The following CTNNBL1 variants were observed in gnomAD, a reference collection of about 807,000 sequenced individuals.
The protein encoded by CTNNBL1 is beta-catenin-like protein 1.
A neutral mutation model predicts 72.7 loss-of-function variants in CTNNBL1; 31 were observed. That is an observed-to-expected ratio of 0.43 (90% CI 0.32 to 0.58). The LOEUF (loss-of-function observed/expected upper bound fraction) is 0.58. Ranked by LOEUF, CTNNBL1 falls within the 20% of genes least tolerant of loss-of-function variation. The pLI is 0.08. For synonymous variants in CTNNBL1, 240 were observed against 267.3 expected (o/e 0.90, Z 1.00); for missense variants, 534 against 725.1 (o/e 0.74, Z 3.03).
chr20:37,826,681 T>A (rs1030420434), intron 11 of CTNNBL1, among the ~76,000 whole-genome samples: 8 of 152,214 alleles, frequency 5.3e-5, no homozygotes, highest in African/African-American at 1.9e-4. Flanking sequence ...CAAATACTCA[T>A]GTACCTGCCA....
At chr20:37,727,379 C>T (rs771479835) in intron 1 of CTNNBL1, 9 of 982,856 alleles carry the variant, frequency 9.2e-6, no homozygotes, top group East Asian at 1.1e-4. Context: ...TATCTATTAT[C>T]GTGAAGCCTA....
chr20:37,756,416 CTCTCT>C (rs2073363829), intron 4 of CTNNBL1: 1 of 152,022 alleles, frequency 6.6e-6, no homozygotes, highest in African/African-American at 2.4e-5. Context: ...CTCTCTCTCT[CTCTCT>C]CCCCCGTTGT....
At chr20:37,769,541 A>G (rs755875272) in intron 7 of CTNNBL1, among the ~76,000 whole-genome samples, 4 of 152,146 alleles carry the variant, frequency 2.6e-5, no homozygotes, top group East Asian at 3.8e-4. Context: ...CCATATTTCT[A>G]TTGAATTGTT....
chr20:37,765,087 A>C, intron 5 of CTNNBL1, 110 bp from the exon 6 acceptor site: 1 of 741,070 alleles, frequency 1.3e-6, no homozygotes, highest in East Asian at 2.7e-5. Flanking sequence ...ATTGCTGCTT[A>C]TTTACTTACT....
intron 3 of CTNNBL1, 27 bp from the exon 4 acceptor site, chr20:37,746,441 C>T (rs754360135): frequency 6.2e-7 from 1 of 1,605,464 alleles, no homozygotes; most frequent in South Asian, 1.1e-5. Context: ...CCCTTTCCTT[C>T]TAATGATGTC....
intron 3 of CTNNBL1, among the ~76,000 whole-genome samples, chr20:37,740,545 A>C (rs2073207082): frequency 6.6e-6 from 1 of 152,180 alleles, no homozygotes; most frequent in Admixed American, 6.5e-5. Flanking sequence ...TTTCCCTAGA[A>C]AGTCCTTTAA....
At chr20:37,780,116 A>G (rs1349755974) in intron 10 of CTNNBL1, among the ~76,000 whole-genome samples, 1 of 151,554 alleles carries the variant, frequency 6.6e-6, no homozygotes, top group Non-Finnish European at 1.5e-5. Flanking sequence ...TCTAGTCATT[A>G]TGAATTGTGC....
intron 2 of CTNNBL1, among the ~76,000 whole-genome samples, chr20:37,735,311 G>A (rs886336533): frequency 6.6e-6 from 1 of 152,068 alleles, no homozygotes; most frequent in African/African-American, 2.4e-5. Flanking sequence ...CAGAGAACAA[G>A]TAGACATGGG....
intron 13 of CTNNBL1, among the ~76,000 whole-genome samples, chr20:37,853,362 G>A (rs1458054198): frequency 2.0e-5 from 3 of 152,216 alleles, no homozygotes; most frequent in Non-Finnish European, 4.4e-5. Flanking sequence ...GATGAGGGAA[G>A]ATATAAGGCA....
At chr20:37,866,432 T>A (rs1055184337) in intron 15 of CTNNBL1, among the ~76,000 whole-genome samples, 1 of 152,208 alleles carries the variant, frequency 6.6e-6, no homozygotes, top group African/African-American at 2.4e-5. Flanking sequence ...CTCAGGCAGC[T>A]CTTCCCCTCT....
intron 10 of CTNNBL1, among the ~76,000 whole-genome samples, chr20:37,802,126 C>T (rs149058217): frequency 1.6e-4 from 25 of 152,296 alleles, no homozygotes; most frequent in African/African-American, 5.8e-4. Flanking sequence ...ACCAAATGTC[C>T]TTCAACTGAT....
At chr20:37,858,921 G>A (rs778569344) in intron 13 of CTNNBL1, among the ~76,000 whole-genome samples, 3 of 152,078 alleles carry the variant, frequency 2.0e-5, no homozygotes, top group Non-Finnish European at 4.4e-5. Flanking sequence ...ACGCAAGTTG[G>A]GTGCCTGTGC....
At chr20:37,713,313 C>T (rs2072955286) in intron 1 of CTNNBL1, among the ~76,000 whole-genome samples, 1 of 152,140 alleles carries the variant, frequency 6.6e-6, no homozygotes, top group South Asian at 2.1e-4. Context: ...GAAGATTAAA[C>T]ATTTTGTTTA....
intron 15 of CTNNBL1, among the ~76,000 whole-genome samples, chr20:37,864,519 C>T (rs750513055): frequency 6.6e-6 from 1 of 152,036 alleles, no homozygotes; most frequent in South Asian, 2.1e-4. Context: ...TTGGGGGTGC[C>T]AAGAGCGCAG....
intron 11 of CTNNBL1, among the ~76,000 whole-genome samples, chr20:37,834,668 A>G (rs1057315911): frequency 6.6e-6 from 1 of 152,206 alleles, no homozygotes; most frequent in Non-Finnish European, 1.5e-5. Context: ...AAAAGCTTAC[A>G]GTTTGGAATC....
At chr20:37,699,211 A>G (rs1335158460) in intron 1 of CTNNBL1, among the ~76,000 whole-genome samples, 1 of 152,252 alleles carries the variant, frequency 6.6e-6, no homozygotes, top group African/African-American at 2.4e-5. Context: ...ACTGAGGTAC[A>G]GAAAAGAGCA....
intron 13 of CTNNBL1, among the ~76,000 whole-genome samples, chr20:37,856,825 CACCG>C (rs2072446934): frequency 6.6e-6 from 1 of 152,162 alleles, no homozygotes. Context: ...TTGTGACTTC[CACCG>C]ACCTCTTCAG....
chr20:37,703,264 A>G (rs1056816674), intron 1 of CTNNBL1, among the ~76,000 whole-genome samples: 1 of 152,204 alleles, frequency 6.6e-6, no homozygotes, highest in African/African-American at 2.4e-5. Flanking sequence ...TGCACACTTA[A>G]TTCACATGCC....
intron 13 of CTNNBL1, among the ~76,000 whole-genome samples, chr20:37,858,911 A>ACG (rs1262225284): frequency 6.6e-6 from 1 of 152,118 alleles, no homozygotes; most frequent in Non-Finnish European, 1.5e-5. Context: ...GGGCATATGT[A>ACG]CGCAAGTTGG....
Sources: allele counts gnomAD v4.1 joint callset (sites outside exome capture counted in the v4.1 genomes callset), GRCh38; gene constraint gnomAD v4.1.1; transcripts MANE v1.5; gene names NCBI Gene and HGNC (gene_info 2026-07-23, HGNC 2026-07-21).